The following PCDHGB7 variants were observed in gnomAD, a reference collection of about 807,000 sequenced individuals.
PCDHGB7 encodes protocadherin gamma subfamily B, 7.
A neutral mutation model predicts 61.4 loss-of-function variants in PCDHGB7; 37 were observed. The ratio of observed to expected loss-of-function variants is 0.60; its 90% CI spans 0.46 to 0.79. The LOEUF is 0.79. PCDHGB7 is among the 30% of genes least tolerant of loss of function. The pLI is 0.00. For missense variants in PCDHGB7, 1,166 were observed against 1,202.5 expected (o/e 0.97, Z 0.45); for synonymous variants, 464 against 503.5 (o/e 0.92, Z 1.05).
At position 141,418,610 on chromosome 5, in the gene PCDHGB7, C is replaced by T; in HGVS notation, c.751C>T (p.Leu251Phe). The change falls in exon 1 of 4, where the codon CTT (leucine) becomes TTT (phenylalanine). Residue 251 changes from leucine to phenylalanine, a missense_variant. Coordinates refer to ENST00000398594, the MANE Select transcript of PCDHGB7 (RefSeq NM_018927.4). ...VFSQDVYRVS[L>F]REDVPPGTSI... ...CAGCCAGGACGTGTACAGGGTTAGC[C>T]TTCGGGAAGACGTGCCTCCAGGCAC... is the stretch of plus-strand genomic sequence containing the variant. The T allele has an allele frequency of 6.2e-7, 1 of 1,614,054 alleles. No homozygotes were observed. Among genetic ancestry groups the T allele is most frequent in the Non-Finnish European group, 8.5e-7 (1 of 1,179,896 alleles).
Position 141,486,054 on chromosome 5 carries a change from G to T in PCDHGB7, c.2416-8753G>T. The T allele has an allele frequency of 1.2e-6, 2 of 1,614,124 alleles. No homozygotes were observed. Among genetic ancestry groups the T allele is most frequent in the South Asian group, 1.1e-5 (1 of 91,072 alleles). On this transcript the variant is annotated intron_variant, in intron 1 of 3. Transcript: ENST00000398594. The surrounding 1 kb of genome is among the most constrained non-coding windows in gnomAD (Gnocchi z 5.0). The stretch of plus-strand genomic sequence containing the variant: ...CCTGATCGTGTAAGAAACCTCTTTA[G>T]CCTGCACCCCACTACTGGAAAGCTT...
In PCDHGB7 at chr5:141,418,388, T is replaced by C; in HGVS notation, c.529T>C (p.Tyr177His). Reference protein sequence around the residue: ...LSKYQLSPNEYFSLVEKDNPD... With the variant: ...LSKYQLSPNEHFSLVEKDNPD... ...CAAATACCAACTAAGTCCTAACGAG[T>C]ATTTCTCATTGGTGGAGAAAGACAA... Residue 177 changes from tyrosine to histidine, a missense_variant, in exon 1 of 4, where the codon TAT becomes CAT. Tyr to His is a moderately conservative substitution (Grantham distance 83, BLOSUM62 2). Coordinates refer to ENST00000398594, the MANE Select transcript of PCDHGB7 (RefSeq NM_018927.4). 6.2e-7 allele frequency: 1 copy of C among 1,613,942 alleles called. No homozygotes were observed. Among genetic ancestry groups the C allele is most frequent in the Non-Finnish European group, 8.5e-7 (1 of 1,179,878 alleles).
Position 141,477,779 on chromosome 5 carries a change from A to G in PCDHGB7, c.2416-17028A>G, listed in dbSNP as rs781567883. ...CCTAGCCACCAACATCAGCGTGAAC[A>G]TATTTGTCACTGATCGCAATGACAA... On this transcript the variant is annotated intron_variant, in intron 1 of 3. Coordinates refer to ENST00000398594, the MANE Select transcript of PCDHGB7 (RefSeq NM_018927.4). This position sits in a 1 kb window ranked among gnomAD's most constrained non-coding sequence, Gnocchi z 4.9. 5.6e-6 allele frequency: 9 copies of G among 1,613,894 alleles called. No homozygotes were observed. Among genetic ancestry groups the G allele is most frequent in the South Asian group, 5.5e-5 (5 of 91,084 alleles).
intron 1 of PCDHGB7, among the ~76,000 whole-genome samples, chr5:141,459,660 T>C (rs73280323): frequency 7.9e-4 from 120 of 152,386 alleles, no homozygotes; most frequent in African/African-American, 2.7e-3. Flanking sequence ...AATATCACTT[T>C]ACATTTTCAT....
In PCDHGB7 at chr5:141,490,442, A is replaced by T. The variant is rs757900187; in HGVS notation, c.2416-4365A>T. On this transcript the variant is annotated intron_variant, in intron 1 of 3. Transcript: ENST00000398594. The surrounding 1 kb of genome is among the most constrained non-coding windows in gnomAD (Gnocchi z 5.4). ...CTGCCATTTCAGATTAAGCCTTCTG[A>T]GAACCACTACTCGCTGCTAACCAGC... 16 of 1,614,092 alleles carry T rather than the reference A, an allele frequency of 9.9e-6. No individual in the cohort carries two copies. Among genetic ancestry groups the T allele is most frequent in the Non-Finnish European group, 1.2e-5 (14 of 1,180,044 alleles).
chr5:141,470,488 T>A (rs2099231812), intron 1 of PCDHGB7, among the ~76,000 whole-genome samples: 2 of 152,234 alleles, frequency 1.3e-5, no homozygotes, highest in South Asian at 4.1e-4. Flanking sequence ...CCTCTGGGAA[T>A]AATATTAGGT....
Position 141,431,920 on chromosome 5 carries a change from A to C in PCDHGB7, c.2415+11646A>C. On this transcript the variant is annotated intron_variant, in intron 1 of 3. Transcript: ENST00000398594. The surrounding 1 kb of genome is among the most constrained non-coding windows in gnomAD (Gnocchi z 4.8). ...ACGGACAGGTGATCTGTTTCATCCA[A>C]GGAAATCTGCCCTTTAAATTAGAAA... 1 of 1,614,164 alleles carries C rather than the reference A, an allele frequency of 6.2e-7. No individual in the cohort carries two copies. Among genetic ancestry groups the C allele is most frequent in the Non-Finnish European group, 8.5e-7 (1 of 1,179,976 alleles).
At chr5:141,469,012 C>T (rs1196140759) in intron 1 of PCDHGB7, among the ~76,000 whole-genome samples, 1 of 151,852 alleles carries the variant, frequency 6.6e-6, no homozygotes, top group Non-Finnish European at 1.5e-5. Flanking sequence ...TGCGGTGGGT[C>T]ACTCCTGTAA....
At chr5:141,426,825 A>G (rs747894160) in intron 1 of PCDHGB7, 26 of 456,582 alleles carry the variant, frequency 5.7e-5, no homozygotes, top group Non-Finnish European at 9.3e-5. Context: ...CTCTCTGATG[A>G]TGGACAAGAC....
In PCDHGB7 at chr5:141,476,321, G is replaced by GT; in HGVS notation, c.2416-18485dup. ...CCTCTCAGCCCGCAGGTTCCGGGTG[G>GT]TGTCTGGAGCTAGCCGAAGATTCTT... On this transcript the variant is annotated intron_variant, in intron 1 of 3. Coordinates refer to ENST00000398594, the MANE Select transcript of PCDHGB7 (RefSeq NM_018927.4). The surrounding 1 kb of genome is among the most constrained non-coding windows in gnomAD (Gnocchi z 7.6). The GT allele has an allele frequency of 6.2e-7, 1 of 1,614,196 alleles. No individual in the cohort carries two copies. Among genetic ancestry groups the GT allele is most frequent in the Non-Finnish European group, 8.5e-7 (1 of 1,180,050 alleles).
In PCDHGB7 at chr5:141,438,591, C is replaced by T. The variant is rs12717894; in HGVS notation, c.2415+18317C>T. 3.5e-3 allele frequency among the ~76,000 whole-genome samples: 262 copies of T among 75,376 alleles called. 1 individual carries two copies. The highest frequency in any genetic ancestry group is 4.5e-3 in the Non-Finnish European group (168 of 37,204). 49.4% of individuals were successfully genotyped at this position (75,376 alleles called of 152,430 possible). ...TCTGATATACATACATACATACATA[C>T]ATATATATATATATATATATATATA... On this transcript the variant is annotated intron_variant, in intron 1 of 3. Transcript: ENST00000398594.
chr5:141,421,468 C>A (rs759548375), intron 1 of PCDHGB7: 9 of 1,614,096 alleles, frequency 5.6e-6, no homozygotes, highest in Non-Finnish European at 5.9e-6. Flanking sequence ...TGTGAATCCG[C>A]GAAGCGGCAG....
At position 141,494,854 on chromosome 5, in the gene PCDHGB7, C is replaced by T. The variant is rs1353498253; in HGVS notation, c.2463C>T (p.Pro821=). ...TDWRFSQAQR[P]GTSGSQNGDD... The stretch of plus-strand genomic sequence containing the variant: ...GGCGTTTCTCTCAGGCCCAGAGACC[C>T]GGCACCAGCGGGTAGGTGACTGATT... The change falls in exon 2 of 4, where the codon CCC becomes CCT. Residue 821 remains proline (P), a synonymous_variant. Coordinates refer to ENST00000398594, the MANE Select transcript of PCDHGB7 (RefSeq NM_018927.4). 1.2e-6 allele frequency: 2 copies of T among 1,614,120 alleles called. No homozygotes were observed. Among genetic ancestry groups the T allele is most frequent in the East Asian group, 2.2e-5 (1 of 44,870 alleles).
At position 141,476,978 on chromosome 5, in the gene PCDHGB7, C is replaced by T; in HGVS notation, c.2416-17829C>T. 2 of 1,614,256 alleles carry T rather than the reference C, an allele frequency of 1.2e-6. No homozygotes were observed. Among genetic ancestry groups the T allele is most frequent in the Non-Finnish European group, 1.7e-6 (2 of 1,180,058 alleles). ...TATTTACTCCTTCGGCAGCCACAAC[C>T]GCGCCGGCGTGCGGCAACTATTCGC... On this transcript the variant is annotated intron_variant, in intron 1 of 3. Coordinates refer to ENST00000398594, the MANE Select transcript of PCDHGB7 (RefSeq NM_018927.4). This position sits in a 1 kb window ranked among gnomAD's most constrained non-coding sequence, Gnocchi z 7.6.
At position 141,477,210 on chromosome 5, in the gene PCDHGB7, C is replaced by G. The variant is rs780852225; in HGVS notation, c.2416-17597C>G. 1.2e-6 allele frequency: 2 copies of G among 1,614,142 alleles called. No individual in the cohort carries two copies. The highest frequency in any genetic ancestry group is 1.7e-6 in the Non-Finnish European group (2 of 1,180,030). On this transcript the variant is annotated intron_variant, in intron 1 of 3. Coordinates refer to ENST00000398594, the MANE Select transcript of PCDHGB7 (RefSeq NM_018927.4). The surrounding 1 kb of genome is among the most constrained non-coding windows in gnomAD (Gnocchi z 4.9). ...GTGTACAGCCCAGTACCCGAGGATG[C>G]CCCTCTGGGGACTGTCATCGCTTTG...
chr5:141,454,917 C>T (rs1185153715), intron 1 of PCDHGB7, among the ~76,000 whole-genome samples: 1 of 149,330 alleles, frequency 6.7e-6, no homozygotes, highest in Non-Finnish European at 1.5e-5. Flanking sequence ...ACGCCATTCT[C>T]CTGCCTCAGC....
intron 1 of PCDHGB7, chr5:141,441,637 C>T (rs1200679247): frequency 4.4e-6 from 1 of 228,574 alleles, no homozygotes; most frequent in South Asian, 4.8e-5. Context: ...GAGCCACAGG[C>T]GCTGTGATTC....
chr5:141,482,530 C>CAAAAAAAAAAAAAAAAAA (rs3074545), intron 1 of PCDHGB7, among the ~76,000 whole-genome samples: 1 of 76,562 alleles, frequency 1.3e-5, no homozygotes, highest in Non-Finnish European at 2.6e-5. Flanking sequence ...GACAGACATG[C>CAAAAAAAAAAAAAAAAAA]AAAAAAAAAA....
At position 141,423,654 on chromosome 5, in the gene PCDHGB7, T is replaced by C. The variant is rs768410507; in HGVS notation, c.2415+3380T>C. The C allele has an allele frequency of 6.3e-6, 10 of 1,583,982 alleles. No individual in the cohort carries two copies. The Admixed American group carries it at 1.8e-4, about 28-fold the overall frequency. ...TTTTAGGCAAATGTGACCCGACAAG[T>C]AATCAGGTGAGATTTATTTCTCTGC... On this transcript the variant is annotated intron_variant, in intron 1 of 3. Transcript: ENST00000398594.
Sources: gnomAD v4.1 joint callset for allele counts (sites outside exome capture counted in the v4.1 genomes callset) on GRCh38, gnomAD v4.1.1 for gene constraint, Gnocchi (gnomAD v3.1) non-coding constraint, MANE v1.5 for transcripts, NCBI Gene and HGNC (gene_info 2026-07-23, HGNC 2026-07-21) for gene names.